ARHGEF28: variants seen among roughly 807,000 people sequenced by gnomAD.
ARHGEF28 encodes the protein 190 kDa guanine nucleotide exchange factor.
ARHGEF28 carries 152 observed loss-of-function variants against 206.6 expected under a neutral mutation model. The observed-to-expected ratio is 0.74, with a 90% CI of 0.64 to 0.84. The LOEUF (loss-of-function observed/expected upper bound fraction) is 0.84. ARHGEF28 is among the 40% of genes least tolerant of loss of function. The probability of loss-of-function intolerance (pLI) is 0.00; values close to 1 mark genes in which losing one functional copy is unlikely to be tolerated. For missense variants in ARHGEF28, 2,028 were observed against 2,073.2 expected (o/e 0.98, Z 0.42); for synonymous variants, 763 against 776.4 (o/e 0.98, Z 0.29).
At chr5:73,833,658 A>G (rs1261800066) in intron 10 of ARHGEF28, among the ~76,000 whole-genome samples, 1 of 152,184 alleles carries the variant, frequency 6.6e-6, no homozygotes, top group Non-Finnish European at 1.5e-5. Context: ...CCCTTCCCAC[A>G]CTGCTATGAA....
chr5:73,938,739 C>T (rs772087579), intron 35 of ARHGEF28, among the ~76,000 whole-genome samples: 7 of 152,096 alleles, frequency 4.6e-5, no homozygotes, highest in Non-Finnish European at 1.0e-4. Flanking sequence ...AGTGTGACTG[C>T]GTGTTGTGAC....
chr5:73,712,808 G>A (rs1431483894), intron 2 of ARHGEF28, among the ~76,000 whole-genome samples: 1 of 152,168 alleles, frequency 6.6e-6, no homozygotes, highest in Admixed American at 6.5e-5. Flanking sequence ...TAGTTCATGA[G>A]TTGCCCTTCT....
chr5:73,849,841 T>C (rs1579984953), intron 13 of ARHGEF28, among the ~76,000 whole-genome samples: 1 of 151,984 alleles, frequency 6.6e-6, no homozygotes, highest in Admixed American at 6.6e-5. Context: ...GTAATAATTG[T>C]ATTAAAAAGC....
chr5:73,855,280 C>A (rs192371515), intron 14 of ARHGEF28, among the ~76,000 whole-genome samples: 1 of 152,290 alleles, frequency 6.6e-6, no homozygotes, highest in African/African-American at 2.4e-5. Flanking sequence ...TATTACCCAT[C>A]TTCATAATCT....
intron 1 of ARHGEF28, among the ~76,000 whole-genome samples, chr5:73,678,806 A>G (rs1746872507): frequency 6.6e-6 from 1 of 151,770 alleles, no homozygotes; most frequent in African/African-American, 2.4e-5. Context: ...TTAAAAAAAA[A>G]AGGGGGGGAG....
chr5:73,850,724 C>G (rs1579986314), intron 13 of ARHGEF28, among the ~76,000 whole-genome samples: 1 of 152,124 alleles, frequency 6.6e-6, no homozygotes, highest in Non-Finnish European at 1.5e-5. Flanking sequence ...TTTACTTATT[C>G]TTTAATGATC....
intron 1 of ARHGEF28, among the ~76,000 whole-genome samples, chr5:73,638,183 C>G (rs1177283271): frequency 6.6e-6 from 1 of 152,142 alleles, no homozygotes; most frequent in Admixed American, 6.6e-5. Flanking sequence ...CAAAGTTGGG[C>G]TTATAAATAA....
chr5:73,627,540 C>T (rs1743083290), intron 1 of ARHGEF28, among the ~76,000 whole-genome samples: 1 of 152,152 alleles, frequency 6.6e-6, no homozygotes, highest in Admixed American at 6.5e-5. Context: ...TAGATCTGTC[C>T]TGGGTTTTTA....
At chr5:73,708,053 A>G (rs1327066865) in intron 2 of ARHGEF28, among the ~76,000 whole-genome samples, 1 of 152,104 alleles carries the variant, frequency 6.6e-6, no homozygotes, top group Non-Finnish European at 1.5e-5. Context: ...TTGTAGTTTT[A>G]TATTGCTAAC....
chr5:73,648,700 C>T (rs1744600381), intron 1 of ARHGEF28, among the ~76,000 whole-genome samples: 1 of 152,176 alleles, frequency 6.6e-6, no homozygotes. Context: ...GGGCTGGCCC[C>T]TGAGATATCA....
chr5:73,909,882 TC>T lies in ARHGEF28; in HGVS notation c.4634del (p.Pro1545ArgfsTer6), dbSNP rs1168967261. The T allele has an allele frequency of 4.0e-6, 6 of 1,513,614 alleles. No individual in the cohort carries two copies. Among genetic ancestry groups the T allele is most frequent in the Non-Finnish European group, 5.2e-6 (6 of 1,144,140 alleles). 93.8% of individuals were successfully genotyped at this position (1,513,614 alleles called of 1,614,324 possible). On this transcript the variant is annotated frameshift_variant, in exon 34 of 36. Transcript: ENST00000513042. LOFTEE classifies it high-confidence loss of function. ...AGAGGAGCCTGCCCGCGGTGCTCCT[TC>T]CGGGTGGCCCCGAGGTATGGACCTT... ...RQRSLPAVLL[P>X]GGPEVMELNR...
At chr5:73,838,480 A>G (rs1244900484) in intron 10 of ARHGEF28, among the ~76,000 whole-genome samples, 1 of 152,234 alleles carries the variant, frequency 6.6e-6, no homozygotes, top group East Asian at 1.9e-4. Context: ...GAAAATTCAC[A>G]TGATGAAAGT....
intron 22 of ARHGEF28, among the ~76,000 whole-genome samples, chr5:73,879,444 C>T (rs903627255): frequency 3.9e-5 from 6 of 152,220 alleles, no homozygotes; most frequent in Admixed American, 6.5e-5. Flanking sequence ...CATTCTCCGT[C>T]CAGCTTTGTT....
intron 9 of ARHGEF28, among the ~76,000 whole-genome samples, chr5:73,798,716 G>A (rs939761557): frequency 2.6e-5 from 4 of 152,238 alleles, no homozygotes; most frequent in Middle Eastern, 3.4e-3. Context: ...GAAGGTAGAT[G>A]AAATGAAATG....
intron 1 of ARHGEF28, among the ~76,000 whole-genome samples, chr5:73,672,070 G>GT (rs1490645010): frequency 6.6e-6 from 1 of 152,032 alleles, no homozygotes; most frequent in Non-Finnish European, 1.5e-5. Context: ...TAAAGCACAT[G>GT]TAGGAAAAGC....
chr5:73,839,740 T>C (rs1757871453), intron 10 of ARHGEF28, among the ~76,000 whole-genome samples: 1 of 152,222 alleles, frequency 6.6e-6, no homozygotes. Flanking sequence ...GATTTGCTGT[T>C]GATTTTATTA....
At chr5:73,918,678 C>G (rs1429904284) in intron 35 of ARHGEF28, among the ~76,000 whole-genome samples, 1 of 151,778 alleles carries the variant, frequency 6.6e-6, no homozygotes, top group Non-Finnish European at 1.5e-5. Flanking sequence ...TTGGAGAAAC[C>G]CTTCTCCCCA....
At chr5:73,730,008 G>A (rs923464952) in intron 2 of ARHGEF28, among the ~76,000 whole-genome samples, 3 of 152,174 alleles carry the variant, frequency 2.0e-5, no homozygotes, top group Non-Finnish European at 2.9e-5. Flanking sequence ...AGATTTAAAC[G>A]TATTGCCAAA....
chr5:73,829,935 G>A (rs922117731), intron 9 of ARHGEF28, among the ~76,000 whole-genome samples: 3 of 152,110 alleles, frequency 2.0e-5, no homozygotes, highest in African/African-American at 7.2e-5. Context: ...TAATATGGCT[G>A]ATTTTGTAGA....
Sources: allele counts gnomAD v4.1 joint callset (sites outside exome capture counted in the v4.1 genomes callset), GRCh38; gene constraint gnomAD v4.1.1; transcripts MANE v1.5; gene names NCBI Gene and HGNC (gene_info 2026-07-23, HGNC 2026-07-21).